LRCH1: variants seen among roughly 807,000 people sequenced by gnomAD.
The protein encoded by LRCH1 is leucine-rich repeat and calponin homology domain-containing protein 1.
LRCH1 carries 23 observed loss-of-function variants against 94.9 expected under a neutral mutation model. The ratio of observed to expected loss-of-function variants is 0.24; its 90% CI spans 0.17 to 0.34. The LOEUF is 0.34. LRCH1 is among the 10% of genes least tolerant of loss of function. The pLI is 1.00. For synonymous variants in LRCH1, 364 were observed against 354.9 expected, an observed-to-expected ratio of 1.03 and a Z score of -0.29; for missense variants, 790 against 945.9, an observed-to-expected ratio of 0.84 and a Z score of 2.16.
intron 4 of LRCH1, 78 bp from the exon 5 acceptor site, chr13:46,685,827 T>G: frequency 9.4e-7 from 1 of 1,065,266 alleles, no homozygotes; most frequent in Admixed American, 3.2e-5. Context: ...AGAACATTAA[T>G]TTTTGAATGA....
In LRCH1 at chr13:46,742,300, C is replaced by A. The variant is rs1416078469; in HGVS notation, c.*452C>A. 2.0e-6 allele frequency: 2 copies of A among 1,008,934 alleles called. No homozygotes were observed. The highest frequency in any genetic ancestry group is 2.4e-6 in the Non-Finnish European group (2 of 843,944). 62.5% of individuals were successfully genotyped at this position (1,008,934 alleles called of 1,614,324 possible). On this transcript the variant is annotated 3_prime_UTR_variant, in exon 20 of 20. Transcript: ENST00000389797. Reference sequence around the variant, plus strand: ...CTGGGCAATTGAGCTGTATAGGGGCCACCTTGCAGGGAGGACAGAAAACTA... The same window carrying A: ...CTGGGCAATTGAGCTGTATAGGGGCAACCTTGCAGGGAGGACAGAAAACTA...
intron 1 of LRCH1, among the ~76,000 whole-genome samples, chr13:46,578,828 G>A (rs1055867436): frequency 1.3e-5 from 2 of 152,174 alleles, no homozygotes; most frequent in African/African-American, 4.8e-5. Context: ...GATGTACAGG[G>A]TGTGTGGCCT....
chr13:46,578,207 T>C (rs951742034), intron 1 of LRCH1, among the ~76,000 whole-genome samples: 2 of 152,178 alleles, frequency 1.3e-5, no homozygotes, highest in African/African-American at 4.8e-5. Context: ...ACTGTGGTCG[T>C]CTGTGTTTAA....
intron 2 of LRCH1, among the ~76,000 whole-genome samples, chr13:46,653,830 G>T (rs930224790): frequency 8.5e-5 from 13 of 152,058 alleles, no homozygotes; most frequent in East Asian, 1.9e-4. Context: ...TCAAAAGAAA[G>T]AAAGAAAGAA....
At chr13:46,722,944 G>A (rs866453992) in intron 16 of LRCH1, among the ~76,000 whole-genome samples, 7 of 152,190 alleles carry the variant, frequency 4.6e-5, no homozygotes, top group Non-Finnish European at 4.4e-5. Flanking sequence ...TCAGGCAAGT[G>A]GCTTGGAATG....
At chr13:46,669,241 G>C in intron 3 of LRCH1, 85 bp downstream of exon 3, 1 of 1,508,316 alleles carries the variant, frequency 6.6e-7, no homozygotes, top group East Asian at 2.3e-5. Context: ...TTTTTGCTAC[G>C]GTTGGACAAG....
At chr13:46,668,934 G>C in intron 2 of LRCH1, 96 bp from the exon 3 acceptor site, 1 of 1,328,134 alleles carries the variant, frequency 7.5e-7, no homozygotes, top group South Asian at 1.5e-5. Context: ...TGTCTTCTCA[G>C]ATCACTCCTT....
Position 46,741,767 on chromosome 13 carries a change from C to A in LRCH1, c.2211C>A (p.Asp737Glu). The A allele has an allele frequency of 6.2e-7, 1 of 1,614,162 alleles. No individual in the cohort carries two copies. Among genetic ancestry groups the A allele is most frequent in the South Asian group, 1.1e-5 (1 of 91,086 alleles). Residue 737 changes from aspartate (D) to glutamate (E), a missense_variant, in exon 20 of 20, where the codon GAC becomes GAA. Transcript: ENST00000389797. ...CAACTTCTGCCCTCCGCTCCAGGGA[C>A]CTTATAGGCTTCTGTCTTGTCCATA... Reference protein sequence around the residue: ...PPPTSALRSRDLIGFCLVHIL... With the variant: ...PPPTSALRSRELIGFCLVHIL...
intron 1 of LRCH1, among the ~76,000 whole-genome samples, chr13:46,644,052 C>T (rs1319532579): frequency 6.6e-6 from 1 of 152,152 alleles, no homozygotes; most frequent in Non-Finnish European, 1.5e-5. Context: ...TCTTGCTTGG[C>T]CTTATTCCAT....
At chr13:46,664,015 G>GA (rs1282755417) in intron 2 of LRCH1, among the ~76,000 whole-genome samples, 7 of 152,336 alleles carry the variant, frequency 4.6e-5, no homozygotes, top group African/African-American at 1.7e-4. Context: ...GGATGAGAGA[G>GA]AAAATGTCAT....
chr13:46,622,937 C>G (rs1005342464), intron 1 of LRCH1, among the ~76,000 whole-genome samples: 2 of 152,136 alleles, frequency 1.3e-5, no homozygotes, highest in Non-Finnish European at 2.9e-5. Context: ...CTGCTCAGAG[C>G]TTAGTGAGCT....
chr13:46,743,414 A>G lies in LRCH1; in HGVS notation c.*1566A>G. The G allele has an allele frequency of 1.0e-6, 1 of 985,836 alleles. No individual in the cohort carries two copies. Among genetic ancestry groups the G allele is most frequent in the Non-Finnish European group, 1.2e-6 (1 of 829,926 alleles). The allele number at this position is 985,836 out of a possible 1,614,324, so 61.1% of individuals were successfully genotyped here. A position where few individuals can be genotyped will look rare whatever the true frequency, so the allele number is the denominator to read the frequency against. On this transcript the variant is annotated 3_prime_UTR_variant, in exon 20 of 20. Transcript: ENST00000389797. Reference sequence around the variant, plus strand: ...TCCTGACTTTGTGTTGATTGGTGAAATGCAGGGTATGTGGAAGTTATCTAA... The same window carrying G: ...TCCTGACTTTGTGTTGATTGGTGAAGTGCAGGGTATGTGGAAGTTATCTAA...
intron 19 of LRCH1, among the ~76,000 whole-genome samples, chr13:46,738,521 T>G (rs1265000348): frequency 6.6e-6 from 1 of 152,234 alleles, no homozygotes; most frequent in Non-Finnish European, 1.5e-5. Context: ...GTTTTTGTTT[T>G]TGAAAGACAA....
At chr13:46,650,058 G>A (rs1055740712) in intron 1 of LRCH1, 143 bp from the exon 2 acceptor site, 11 of 524,054 alleles carry the variant, frequency 2.1e-5, no homozygotes, top group African/African-American at 2.0e-4. Context: ...AGAAATCACA[G>A]TGCTGTAGTA....
Position 46,652,276 on chromosome 13 carries a change from C to T in LRCH1, c.452+1931C>T, listed in dbSNP as rs1490900326. Among the ~76,000 whole-genome samples, 3 of 151,990 alleles carry T rather than the reference C, an allele frequency of 2.0e-5. No individual in the cohort carries two copies. In the South Asian group the frequency reaches 6.2e-4, roughly 31 times the overall value. On this transcript the variant is annotated intron_variant, in intron 2 of 19. Transcript: ENST00000389797. Reference sequence around the variant, plus strand: ...TATTTTTAGTAGAGGCGGGGTTTCACCATGTTAGCCAGGATGGTCTCGATC... The same window carrying T: ...TATTTTTAGTAGAGGCGGGGTTTCATCATGTTAGCCAGGATGGTCTCGATC...
chr13:46,556,711 T>G (rs2050070197), intron 1 of LRCH1, among the ~76,000 whole-genome samples: 1 of 152,136 alleles, frequency 6.6e-6, no homozygotes, highest in African/African-American at 2.4e-5. Context: ...AACCGGTGAT[T>G]GGAACCCTGG....
intron 15 of LRCH1, among the ~76,000 whole-genome samples, chr13:46,712,806 C>T (rs1044160217): frequency 1.3e-5 from 2 of 152,118 alleles, no homozygotes; most frequent in African/African-American, 2.4e-5. Flanking sequence ...ATTCTATCTT[C>T]GTTTGAATCC....
chr13:46,635,633 G>A (rs1045651766), intron 1 of LRCH1, among the ~76,000 whole-genome samples: 2 of 151,972 alleles, frequency 1.3e-5, no homozygotes, highest in African/African-American at 4.8e-5. Flanking sequence ...ACCACGCCCA[G>A]CTAATTGTTT....
At chr13:46,700,941 T>A (rs868612657) in intron 10 of LRCH1, among the ~76,000 whole-genome samples, 180 bp from the exon 11 acceptor site, 8 of 152,228 alleles carry the variant, frequency 5.3e-5, no homozygotes, top group Non-Finnish European at 4.4e-5. Flanking sequence ...CTCGGGCTCT[T>A]CCCACCGTGC....
Sources: gnomAD v4.1 joint callset for allele counts (sites outside exome capture counted in the v4.1 genomes callset) on GRCh38, gnomAD v4.1.1 for gene constraint, MANE v1.5 for transcripts, NCBI Gene and HGNC (gene_info 2026-07-23, HGNC 2026-07-21) for gene names.